The following RANBP3 variants were observed in gnomAD, a reference collection of about 807,000 sequenced individuals.
RANBP3 encodes RAN binding protein 3, also known as ran-binding protein 3.
Under a neutral mutation model 77.3 loss-of-function variants are expected in RANBP3, and 14 were observed. That is an observed-to-expected ratio of 0.18 (90% CI 0.12 to 0.28). The LOEUF (loss-of-function observed/expected upper bound fraction) is 0.28, where lower values mean the gene tolerates loss of function less well. Among genes scored for constraint, RANBP3 ranks in the 10% least tolerant of loss-of-function variants. RANBP3 has a pLI of 1.00. For missense variants in RANBP3, 586 were observed against 752.3 expected, an observed-to-expected ratio of 0.78 and a Z score of 2.59; for synonymous variants, 315 against 312.4, an observed-to-expected ratio of 1.01 and a Z score of -0.09.
chr19:5,928,190 C>T (rs1481637929), intron 8 of RANBP3, 103 bp from the exon 9 acceptor site: 17 of 1,369,766 alleles, frequency 1.2e-5, no homozygotes, highest in Admixed American at 4.4e-5. Flanking sequence ...CCACACGTCT[C>T]CTCTGCATGT....
chr19:5,929,627 G>T (rs1193597941), intron 8 of RANBP3, among the ~76,000 whole-genome samples: 1 of 152,230 alleles, frequency 6.6e-6, no homozygotes, highest in African/African-American at 2.4e-5. Flanking sequence ...TCCCAAAGAC[G>T]GTACCAGGAG....
rs768764787 is a variant in RANBP3 at position 5,978,074 on chromosome 19, G to A, written c.9C>T (p.Asp3=). 3.7e-5 allele frequency: 60 copies of A among 1,610,726 alleles called. No individual in the cohort carries two copies. Among genetic ancestry groups the A allele is most frequent in the Non-Finnish European group, 5.0e-5 (59 of 1,178,720 alleles). The change falls in exon 1 of 17, where the codon GAC becomes GAT. Residue 3 remains aspartate (D), a synonymous_variant. Transcript: ENST00000340578. The stretch of plus-strand genomic sequence containing the variant: ...CGCCTCCCCTACCTTCGTTCGCCAG[G>A]TCCGCCATTTTACTTCCTTAAGCCC... MA[D]LANEEKPAIA...
rs572419324 is a variant in RANBP3, at chr19:5,921,802, G to A, written c.1210-481C>T. 6.6e-6 allele frequency among the ~76,000 whole-genome samples: 1 copy of A among 152,320 alleles called. No homozygotes were observed. Among genetic ancestry groups the A allele is most frequent in the Admixed American group, 6.5e-5 (1 of 15,300 alleles). ...GAACGTGCACAGCACCATCATTCACGGTAGCCAAGTCTCAAGGAGGAATGG... is the reference window on the plus strand; with the variant it reads ...GAACGTGCACAGCACCATCATTCACAGTAGCCAAGTCTCAAGGAGGAATGG... On this transcript the variant is annotated intron_variant, in intron 13 of 16. Transcript: ENST00000340578. This position sits in a 1 kb window ranked among gnomAD's most constrained non-coding sequence, Gnocchi z 5.3.
At chr19:5,946,163 C>G (rs2058202012) in intron 3 of RANBP3, among the ~76,000 whole-genome samples, 1 of 152,220 alleles carries the variant, frequency 6.6e-6, no homozygotes, top group South Asian at 2.1e-4. Context: ...TGCTCACTCC[C>G]TATCCCAGCC....
chr19:5,975,923 C>A (rs1235640317), intron 1 of RANBP3, among the ~76,000 whole-genome samples: 1 of 151,908 alleles, frequency 6.6e-6, no homozygotes, highest in Admixed American at 6.6e-5. Flanking sequence ...CAGAGCAAGG[C>A]AGCAGAGAGT....
intron 15 of RANBP3, among the ~76,000 whole-genome samples, chr19:5,918,249 C>T (rs2057770434): frequency 6.6e-6 from 1 of 152,138 alleles, no homozygotes; most frequent in African/African-American, 2.4e-5. Flanking sequence ...GGCTGTTAGC[C>T]CTGAACACAT....
At chr19:5,943,291 C>T (rs547102379) in intron 3 of RANBP3, among the ~76,000 whole-genome samples, 1 of 152,296 alleles carries the variant, frequency 6.6e-6, no homozygotes, top group African/African-American at 2.4e-5. Context: ...TGTGAAAGTG[C>T]TTTGCAAACT....
At chr19:5,949,815 T>TC (rs2058252718) in intron 3 of RANBP3, among the ~76,000 whole-genome samples, 1 of 151,974 alleles carries the variant, frequency 6.6e-6, no homozygotes, top group Non-Finnish European at 1.5e-5. Flanking sequence ...CTCCAGACAC[T>TC]CCAACATGGG....
At chr19:5,970,234 A>T (rs534282685) in intron 1 of RANBP3, among the ~76,000 whole-genome samples, 1 of 152,258 alleles carries the variant, frequency 6.6e-6, no homozygotes, top group South Asian at 2.1e-4. Context: ...GGGCAAAAAA[A>T]TTGAGCTGGA....
intron 5 of RANBP3, chr19:5,935,556 G>A: frequency 3.1e-6 from 1 of 326,072 alleles, no homozygotes; most frequent in Non-Finnish European, 6.3e-6. Context: ...TGATGTTTTG[G>A]TCACAGACTG....
chr19:5,954,872 C>T (rs78959661), intron 2 of RANBP3, among the ~76,000 whole-genome samples: 2 of 152,342 alleles, frequency 1.3e-5, no homozygotes, highest in East Asian at 3.9e-4. Flanking sequence ...TTCCACCTCA[C>T]TCCCCAGTGG....
At chr19:5,917,721 G>A in intron 16 of RANBP3, 68 bp from the exon 17 acceptor site, 2 of 1,588,840 alleles carry the variant, frequency 1.3e-6, no homozygotes, top group South Asian at 1.1e-5. Flanking sequence ...ACCCCCGCCA[G>A]GAGATCAGCA....
chr19:5,918,112 C>T, intron 15 of RANBP3, 132 bp from the exon 16 acceptor site: 2 of 1,041,414 alleles, frequency 1.9e-6, no homozygotes, highest in South Asian at 1.7e-5. Flanking sequence ...GGCCATTGGC[C>T]CTGGGCCTGC....
At chr19:5,925,419 C>T in intron 10 of RANBP3, 5 of 594,016 alleles carry the variant, frequency 8.4e-6, no homozygotes, top group Non-Finnish European at 1.5e-5. Flanking sequence ...GAACTCTGGT[C>T]CTGTCTCAGG....
Position 5,921,352 on chromosome 19 carries a change from AC to A in RANBP3, c.1210-32del. The A allele has an allele frequency of 6.2e-7, 1 of 1,610,356 alleles. No homozygotes were observed. Among genetic ancestry groups the A allele is most frequent in the Middle Eastern group, 1.7e-4 (1 of 6,038 alleles). ...ACACAGTGGCCGCCGGTAAGCAGGG[AC>A]CCCAGCTGGTGTCCTGCTGCAGCCA... On this transcript the variant is annotated intron_variant, in intron 13 of 16. Coordinates refer to ENST00000340578, the MANE Select transcript of RANBP3 (RefSeq NM_007322.3). This position sits in a 1 kb window ranked among gnomAD's most constrained non-coding sequence, Gnocchi z 5.3.
intron 3 of RANBP3, among the ~76,000 whole-genome samples, chr19:5,946,089 G>A (rs990934456): frequency 2.0e-5 from 3 of 152,110 alleles, no homozygotes; most frequent in Non-Finnish European, 1.5e-5. Flanking sequence ...TCCTCCGTGG[G>A]CGCCCTCCCT....
intron 1 of RANBP3, among the ~76,000 whole-genome samples, chr19:5,965,364 T>C (rs1010500992): frequency 6.6e-6 from 1 of 152,090 alleles, no homozygotes; most frequent in Admixed American, 6.5e-5. Context: ...ACAGCCCACA[T>C]GTGAGAGTTA....
chr19:5,928,702 G>C (rs1235091776), intron 8 of RANBP3, among the ~76,000 whole-genome samples: 1 of 152,150 alleles, frequency 6.6e-6, no homozygotes, highest in East Asian at 1.9e-4. Flanking sequence ...CTTAGCTGGA[G>C]GGTGGCTCCT....
intron 3 of RANBP3, among the ~76,000 whole-genome samples, chr19:5,946,945 G>C (rs941279070): frequency 2.0e-5 from 3 of 152,200 alleles, no homozygotes; most frequent in Non-Finnish European, 4.4e-5. Flanking sequence ...CTCAGGGGTT[G>C]GTCCCGAACA....
Sources: gnomAD v4.1 joint callset for allele counts (sites outside exome capture counted in the v4.1 genomes callset) on GRCh38, gnomAD v4.1.1 for gene constraint, Gnocchi (gnomAD v3.1) non-coding constraint, MANE v1.5 for transcripts, NCBI Gene and HGNC (gene_info 2026-07-23, HGNC 2026-07-21) for gene names.